BLVRA: variants seen among roughly 807,000 people sequenced by gnomAD.
BLVRA encodes BVR A.
Under a neutral mutation model 32.8 loss-of-function variants are expected in BLVRA, and 22 were observed. That is an observed-to-expected ratio of 0.67 (90% confidence interval 0.48 to 0.96). The LOEUF (loss-of-function observed/expected upper bound fraction) is 0.96, where lower values mean the gene tolerates loss of function less well. Among genes scored for constraint, BLVRA ranks in the 40% least tolerant of loss-of-function variants. The pLI is 0.00. For missense variants in BLVRA, 323 were observed against 358.1 expected (o/e 0.90, Z 0.79); for synonymous variants, 119 against 141.3 (o/e 0.84, Z 1.12).
chr7:43,769,288 C>T (rs1246370598), intron 1 of BLVRA, among the ~76,000 whole-genome samples: 1 of 152,186 alleles, frequency 6.6e-6, no homozygotes, highest in Non-Finnish European at 1.5e-5. Context: ...CCTCAGCCTC[C>T]CACAGTGCTG....
chr7:43,798,997 G>C (rs999947444), intron 5 of BLVRA, among the ~76,000 whole-genome samples: 4 of 151,846 alleles, frequency 2.6e-5, no homozygotes, highest in African/African-American at 9.7e-5. Context: ...GGGGGCAGTG[G>C]GCGAAACTAC....
intron 7 of BLVRA, among the ~76,000 whole-genome samples, chr7:43,805,052 C>A (rs1336205470): frequency 6.6e-6 from 1 of 152,096 alleles, no homozygotes; most frequent in Non-Finnish European, 1.5e-5. Flanking sequence ...CTGGTGTGGC[C>A]ATGTGAGTGT....
intron 7 of BLVRA, among the ~76,000 whole-genome samples, chr7:43,805,298 T>TA (rs1491131253): frequency 7.1e-6 from 1 of 140,964 alleles, no homozygotes; most frequent in Non-Finnish European, 1.5e-5. Flanking sequence ...TTTTTTTTTT[T>TA]ATGAGACAAA....
intron 2 of BLVRA, among the ~76,000 whole-genome samples, chr7:43,783,523 G>A (rs773182722): frequency 6.6e-6 from 1 of 151,996 alleles, no homozygotes; most frequent in South Asian, 2.1e-4. Flanking sequence ...TCTATATCAC[G>A]AGTCTATCAT....
intron 2 of BLVRA, among the ~76,000 whole-genome samples, chr7:43,782,518 C>A (rs1284163202): frequency 6.6e-6 from 1 of 152,052 alleles, no homozygotes; most frequent in Non-Finnish European, 1.5e-5. Context: ...AGATCCAGGG[C>A]GCGGTGGGAA....
intron 2 of BLVRA, among the ~76,000 whole-genome samples, chr7:43,779,123 T>C (rs2095765567): frequency 6.6e-6 from 1 of 152,248 alleles, no homozygotes; most frequent in Admixed American, 6.5e-5. Context: ...AGGCACTGCC[T>C]CGCCCTGCTT....
At chr7:43,783,966 T>A (rs964403787) in intron 2 of BLVRA, among the ~76,000 whole-genome samples, 24 of 151,750 alleles carry the variant, frequency 1.6e-4, no homozygotes, top group African/African-American at 4.1e-4. Context: ...TCAAAAAAAA[T>A]TTTTTTTCTA....
intron 5 of BLVRA, among the ~76,000 whole-genome samples, chr7:43,793,858 G>A (rs748069335): frequency 4.2e-4 from 63 of 151,094 alleles, no homozygotes; most frequent in Non-Finnish European, 6.9e-4. Context: ...TCCTGACCTC[G>A]CGATCCACCC....
rs1237883538 is a variant in BLVRA at position 43,767,454 on chromosome 7, G to A, written c.-21-3684G>A. 22 of 1,509,038 alleles carry A rather than the reference G, an allele frequency of 1.5e-5. No individual in the cohort carries two copies. The East Asian group carries it at 4.3e-4, about 29-fold the overall frequency. The allele number at this position is 1,509,038 out of a possible 1,614,324, so 93.5% of individuals were successfully genotyped here. On this transcript the variant is annotated intron_variant, in intron 1 of 7. Coordinates refer to ENST00000265523, the MANE Select transcript of BLVRA (RefSeq NM_000712.4). ...TTCACAACTAAATCTTATATATCTGGAGGCGCCCTTGGGATATCCAATAAG... is the reference window on the plus strand; with the variant it reads ...TTCACAACTAAATCTTATATATCTGAAGGCGCCCTTGGGATATCCAATAAG...
intron 1 of BLVRA, among the ~76,000 whole-genome samples, chr7:43,768,528 T>C (rs1400217376): frequency 6.6e-6 from 1 of 152,130 alleles, no homozygotes; most frequent in Non-Finnish European, 1.5e-5. Context: ...TAAAATGGAA[T>C]TAATACTAGC....
At chr7:43,774,435 G>A (rs1419203181) in intron 2 of BLVRA, among the ~76,000 whole-genome samples, 1 of 152,192 alleles carries the variant, frequency 6.6e-6, no homozygotes, top group Non-Finnish European at 1.5e-5. Flanking sequence ...GTTTGTCAAA[G>A]ATCAGATAGT....
chr7:43,800,416 C>G (rs2132592549), intron 5 of BLVRA, 49 bp from the exon 6 acceptor site: 2 of 1,547,872 alleles, frequency 1.3e-6, no homozygotes, highest in Non-Finnish European at 1.8e-6. Flanking sequence ...GGATGCACAC[C>G]TAGACACAAC....
At chr7:43,802,057 G>A (rs766684292) in intron 6 of BLVRA, among the ~76,000 whole-genome samples, 1 of 152,044 alleles carries the variant, frequency 6.6e-6, no homozygotes, top group East Asian at 1.9e-4. Flanking sequence ...CAAGAAAATC[G>A]CTTTAACCCA....
chr7:43,793,618 C>CTTT lies in BLVRA; in HGVS notation c.352+822_352+824dup, dbSNP rs35816005. ...CTGTTTCTACAAAAATCTTTTACAACTTTTTTTTTTTTTTTTTTGGTGGGG... is the reference window on the plus strand; with the variant it reads ...CTGTTTCTACAAAAATCTTTTACAACTTTTTTTTTTTTTTTTTTTTTGGTGGGG... On this transcript the variant is annotated intron_variant, in intron 5 of 7. Transcript: ENST00000265523. Among the ~76,000 whole-genome samples the CTTT allele has an allele frequency of 3.2e-4, 43 of 135,506 alleles. 1 individual carries two copies. The highest frequency in any genetic ancestry group is 5.4e-4 in the Non-Finnish European group (34 of 63,120). 88.9% of individuals were successfully genotyped at this position (135,506 alleles called of 152,430 possible).
Position 43,792,747 on chromosome 7 carries a change from T to C in BLVRA, c.287T>C (p.Val96Ala). 1 of 1,614,236 alleles carries C rather than the reference T, an allele frequency of 6.2e-7. No individual in the cohort carries two copies. Among genetic ancestry groups the C allele is most frequent in the Non-Finnish European group, 8.5e-7 (1 of 1,180,034 alleles). Residue 96 changes from valine (V) to alanine (A), a missense_variant, in exon 5 of 8, where the codon GTG becomes GCG. Coordinates refer to ENST00000265523, the MANE Select transcript of BLVRA (RefSeq NM_000712.4). ...QFLNAGKHVLVEYPMTLSLAA... is the reference protein window; with the variant it reads ...QFLNAGKHVLAEYPMTLSLAA... ...CTTAATGCTGGCAAGCACGTCCTTG[T>C]GGAATACCCCATGACACTGTCATTG... is the stretch of plus-strand genomic sequence containing the variant.
chr7:43,800,038 TTCTGCC>T (rs1278858513), intron 5 of BLVRA, among the ~76,000 whole-genome samples: 1 of 151,632 alleles, frequency 6.6e-6, no homozygotes, highest in Non-Finnish European at 1.5e-5. Context: ...CCACTGCAAT[TTCTGCC>T]TCCCAGGTTC....
intron 2 of BLVRA, among the ~76,000 whole-genome samples, chr7:43,786,979 G>C (rs1203187223): frequency 6.6e-6 from 1 of 151,982 alleles, no homozygotes; most frequent in Non-Finnish European, 1.5e-5. Context: ...CTGGAGTGCA[G>C]TGGCGCTATC....
chr7:43,806,514 G>C (rs1174458098), intron 7 of BLVRA, among the ~76,000 whole-genome samples: 1 of 152,196 alleles, frequency 6.6e-6, no homozygotes, highest in East Asian at 1.9e-4. Context: ...GGCCAAGGCA[G>C]GTGGGTCTCT....
rs781302388 is a variant in BLVRA at position 43,807,243 on chromosome 7, A to T, written c.*8A>T. The T allele has an allele frequency of 6.2e-7, 1 of 1,602,528 alleles. No homozygotes were observed. On this transcript the variant is annotated 3_prime_UTR_variant, in exon 8 of 8. Transcript: ENST00000265523. ...TGCTGTTCAAGGAAGTAAGAGGAGG[A>T]GGTGATGTAGCACTTCCAAGATGGC...
Sources: allele counts gnomAD v4.1 joint callset (sites outside exome capture counted in the v4.1 genomes callset), GRCh38; gene constraint gnomAD v4.1.1; transcripts MANE v1.5; gene names NCBI Gene and HGNC (gene_info 2026-07-23, HGNC 2026-07-21).